The following PRKX variants were observed in gnomAD, a reference collection of about 807,000 sequenced individuals.
The protein encoded by PRKX is protein kinase cAMP-dependent X-linked catalytic subunit.
PRKX carries 12 observed loss-of-function variants against 22.0 expected under a neutral mutation model. That is an observed-to-expected ratio of 0.54 (90% confidence interval 0.35 to 0.88). PRKX has a LOEUF of 0.88. PRKX is among the 40% of genes least tolerant of loss of function. PRKX has a pLI of 0.01. For missense variants in PRKX, 217 were observed against 308.0 expected (o/e 0.70, Z 2.21); for synonymous variants, 134 against 137.7 (o/e 0.97, Z 0.19).
intron 1 of PRKX, among the ~76,000 whole-genome samples, chrX:3,681,616 T>G (rs953981062): frequency 1.0e-5 from 1 of 97,034 alleles, no homozygotes; most frequent in Non-Finnish European, 2.2e-5. Flanking sequence ...ACCACTGCAC[T>G]GCAGCCTGGG....
chrX:3,613,560 T>A (rs2146555054), intron 7 of PRKX, among the ~76,000 whole-genome samples: 1 of 109,954 alleles, frequency 9.1e-6, no homozygotes, highest in East Asian at 2.9e-4. Context: ...AAATGATGCA[T>A]CAGCCCAGGC....
intron 1 of PRKX, among the ~76,000 whole-genome samples, chrX:3,690,723 C>G (rs1283183133): frequency 8.9e-6 from 1 of 111,771 alleles, no homozygotes; most frequent in Non-Finnish European, 1.9e-5. Context: ...AGAGCGAGAC[C>G]CTGTCCCAAA....
chrX:3,628,190 A>T (rs1926699762), intron 4 of PRKX, among the ~76,000 whole-genome samples: 1 of 110,728 alleles, frequency 9.0e-6, no homozygotes, highest in Admixed American at 9.7e-5. Context: ...CATGAAAGCT[A>T]AAAAAAAGCT....
At chrX:3,619,802 C>T (rs12390258) in intron 6 of PRKX, among the ~76,000 whole-genome samples, 8,234 of 110,813 alleles carry the variant, frequency 0.074, 262 homozygotes, top group African/African-American at 0.12. Context: ...ACTCGTAAAC[C>T]ACACAGAGGG....
chrX:3,661,848 G>T (rs1406339324), intron 2 of PRKX, among the ~76,000 whole-genome samples: 3 of 111,607 alleles, frequency 2.7e-5, no homozygotes, highest in Non-Finnish European at 3.8e-5. Context: ...GAGGGACTCT[G>T]CCCCTGACAT....
intron 1 of PRKX, among the ~76,000 whole-genome samples, chrX:3,701,277 T>C (rs1285682517): frequency 9.0e-6 from 1 of 110,906 alleles, no homozygotes; most frequent in Non-Finnish European, 1.9e-5. Flanking sequence ...CACGGCTGAT[T>C]TTATTTTTTG....
intron 4 of PRKX, among the ~76,000 whole-genome samples, chrX:3,633,133 C>T (rs1926818829): frequency 1.8e-5 from 2 of 110,370 alleles, no homozygotes; most frequent in African/African-American, 6.6e-5. Context: ...CCAGCTACAG[C>T]CTCTGTAGTC....
intron 6 of PRKX, among the ~76,000 whole-genome samples, chrX:3,620,142 A>G (rs1926524508): frequency 8.9e-6 from 1 of 111,868 alleles, no homozygotes; most frequent in East Asian, 2.8e-4. Flanking sequence ...TCTCATGTCC[A>G]TGGCAGAACC....
intron 1 of PRKX, among the ~76,000 whole-genome samples, chrX:3,709,546 C>T (rs1484508552): frequency 9.0e-6 from 1 of 111,378 alleles, no homozygotes; most frequent in East Asian, 2.8e-4. Flanking sequence ...GAATTACCTC[C>T]TTCCTGACAG....
intron 3 of PRKX, among the ~76,000 whole-genome samples, chrX:3,647,460 T>G (rs1603473902): frequency 9.4e-6 from 1 of 105,906 alleles, no homozygotes; most frequent in South Asian, 3.9e-4. Flanking sequence ...TATATAATTA[T>G]AATTAGAATA....
chrX:3,675,414 C>T (rs1017004864), intron 1 of PRKX, among the ~76,000 whole-genome samples: 1 of 111,515 alleles, frequency 9.0e-6, no homozygotes, highest in Non-Finnish European at 1.9e-5. Context: ...TCTGCTGGGA[C>T]ATTTTCAATC....
At chrX:3,705,297 G>A (rs1928659784) in intron 1 of PRKX, among the ~76,000 whole-genome samples, 1 of 111,377 alleles carries the variant, frequency 9.0e-6, no homozygotes, top group Admixed American at 9.5e-5. Flanking sequence ...CCTTTTATAA[G>A]GACATTGATC....
At chrX:3,701,564 C>T (rs1282557278) in intron 1 of PRKX, among the ~76,000 whole-genome samples, 4 of 112,398 alleles carry the variant, frequency 3.6e-5, no homozygotes, top group East Asian at 2.8e-4. Flanking sequence ...TGTCTCCAAC[C>T]ATAAGCTAGT....
chrX:3,693,179 C>G (rs1481908722), intron 1 of PRKX, among the ~76,000 whole-genome samples: 4 of 111,091 alleles, frequency 3.6e-5, no homozygotes, highest in Non-Finnish European at 7.5e-5. Context: ...AGTCTAACAA[C>G]TTGGGTGACC....
intron 1 of PRKX, among the ~76,000 whole-genome samples, chrX:3,701,866 G>A (rs780270832): frequency 2.0e-4 from 22 of 111,946 alleles, no homozygotes; most frequent in South Asian, 3.8e-4. Flanking sequence ...CCACGGCAAC[G>A]TCAGGAAGTT....
intron 2 of PRKX, among the ~76,000 whole-genome samples, chrX:3,656,839 G>A (rs190958969): frequency 1.8e-5 from 2 of 112,088 alleles, no homozygotes; most frequent in African/African-American, 3.2e-5. Flanking sequence ...TAAGAAAAAT[G>A]TATTACCCTC....
chrX:3,616,187 A>G (rs1418133740), intron 6 of PRKX, among the ~76,000 whole-genome samples: 1 of 111,585 alleles, frequency 9.0e-6, no homozygotes, highest in African/African-American at 3.3e-5. Context: ...ATCTCTCGAC[A>G]TAAAATTGGA....
chrX:3,706,149 C>T (rs1408297620), intron 1 of PRKX, among the ~76,000 whole-genome samples: 1 of 110,668 alleles, frequency 9.0e-6, no homozygotes, highest in Non-Finnish European at 1.9e-5. Flanking sequence ...TTTGGAGACC[C>T]TACAGTGTGC....
At chrX:3,630,820 C>T (rs757709033) in intron 4 of PRKX, among the ~76,000 whole-genome samples, 1 of 111,615 alleles carries the variant, frequency 9.0e-6, no homozygotes, top group East Asian at 2.8e-4. Context: ...AACCACCTCT[C>T]ACCAGGTCCC....
Sources: allele counts gnomAD v4.1 joint callset (sites outside exome capture counted in the v4.1 genomes callset), GRCh38; gene constraint gnomAD v4.1.1; transcripts MANE v1.5; gene names NCBI Gene and HGNC (gene_info 2026-07-23, HGNC 2026-07-21).